The following TSHZ2 variants were observed in gnomAD, a reference collection of about 807,000 sequenced individuals.
The protein encoded by TSHZ2 is teashirt homolog 2.
Under a neutral mutation model 74.4 loss-of-function variants are expected in TSHZ2, and 21 were observed. The observed-to-expected ratio is 0.28, with a 90% confidence interval of 0.20 to 0.41. The LOEUF (loss-of-function observed/expected upper bound fraction) is 0.41, where lower values mean the gene tolerates loss of function less well. Among genes scored for constraint, TSHZ2 ranks in the 10% least tolerant of loss-of-function variants. The probability of loss-of-function intolerance (pLI) is 1.00; values close to 1 mark genes in which losing one functional copy is unlikely to be tolerated. For missense variants in TSHZ2, 1,244 were observed against 1,293.5 expected, an observed-to-expected ratio of 0.96 and a Z score of 0.59; for synonymous variants, 540 against 515.3, an observed-to-expected ratio of 1.05 and a Z score of -0.65.
At chr20:52,987,658 C>T (rs1249319555) in intron 1 of TSHZ2, among the ~76,000 whole-genome samples, 1 of 152,130 alleles carries the variant, frequency 6.6e-6, no homozygotes, top group Non-Finnish European at 1.5e-5. Flanking sequence ...TATAAGAAGG[C>T]TCTCTATTGT....
intron 2 of TSHZ2, among the ~76,000 whole-genome samples, chr20:53,465,269 TTGTGTGTG>T (rs149559919): frequency 6.6e-6 from 1 of 150,564 alleles, no homozygotes; most frequent in Non-Finnish European, 1.5e-5. Context: ...GTTATTACTT[TTGTGTGTG>T]TGTGTGTGTG....
chr20:53,195,226 A>G (rs1365448880), intron 1 of TSHZ2, among the ~76,000 whole-genome samples: 5 of 152,182 alleles, frequency 3.3e-5, no homozygotes, highest in Non-Finnish European at 7.3e-5. Flanking sequence ...ACCTACCAGA[A>G]GTCTGCAACT....
intron 2 of TSHZ2, among the ~76,000 whole-genome samples, chr20:53,279,274 C>A (rs537644955): frequency 6.6e-6 from 1 of 152,306 alleles, no homozygotes; most frequent in East Asian, 1.9e-4. Flanking sequence ...TGTATTCAAT[C>A]TTCCATTGTA....
At chr20:53,342,803 T>C (rs945198105) in intron 2 of TSHZ2, among the ~76,000 whole-genome samples, 1 of 151,988 alleles carries the variant, frequency 6.6e-6, no homozygotes, top group Non-Finnish European at 1.5e-5. Context: ...TTTGGAGGAA[T>C]ATTTTCTCCC....
intron 1 of TSHZ2, among the ~76,000 whole-genome samples, chr20:53,031,601 A>G (rs2123064096): frequency 6.6e-6 from 1 of 152,314 alleles, no homozygotes; most frequent in East Asian, 1.9e-4. Context: ...GAAGTCACTC[A>G]CACAGACGGC....
At chr20:53,011,999 G>A (rs1982869783) in intron 1 of TSHZ2, among the ~76,000 whole-genome samples, 2 of 152,048 alleles carry the variant, frequency 1.3e-5, no homozygotes, top group African/African-American at 4.8e-5. Context: ...TGAGAAACGG[G>A]GTCTTATGCT....
intron 1 of TSHZ2, among the ~76,000 whole-genome samples, chr20:53,063,371 T>TTC (rs1984880018): frequency 6.6e-6 from 1 of 152,214 alleles, no homozygotes; most frequent in African/African-American, 2.4e-5. Context: ...TGCCTATATA[T>TTC]TACATATGCA....
chr20:53,215,454 A>T (rs988667120), intron 1 of TSHZ2, among the ~76,000 whole-genome samples: 1 of 151,160 alleles, frequency 6.6e-6, no homozygotes, highest in Non-Finnish European at 1.5e-5. Flanking sequence ...TTTGCCAGAC[A>T]TTTGCTTTCT....
chr20:53,373,254 A>G (rs936922990), intron 2 of TSHZ2, among the ~76,000 whole-genome samples: 1 of 152,202 alleles, frequency 6.6e-6, no homozygotes, highest in African/African-American at 2.4e-5. Flanking sequence ...ATTTATTCTT[A>G]TAGCACATCA....
At position 53,287,204 on chromosome 20, in the gene TSHZ2, CATA is replaced by C. The variant is rs775595529; in HGVS notation, c.*8+30639_*8+30641del. Reference sequence around the variant, plus strand: ...ACTTTTTCAAGGAGACAAAAATAGACATAATAATGATACGAGCTTATATTTATT... The same window carrying C: ...ACTTTTTCAAGGAGACAAAAATAGACATAATGATACGAGCTTATATTTATT... On this transcript the variant is annotated intron_variant, in intron 2 of 2. Coordinates refer to ENST00000371497, the MANE Select transcript of TSHZ2 (RefSeq NM_173485.6). 5.1e-4 allele frequency among the ~76,000 whole-genome samples: 78 copies of C among 152,262 alleles called. 1 individual carries two copies. The highest frequency in any genetic ancestry group is 6.5e-4 in the Admixed American group (10 of 15,290).
Position 53,493,082 on chromosome 20 carries a change from C to G in TSHZ2, c.*5947C>G, listed in dbSNP as rs1180162610. ...CAGCTTGGATGGCTGGGAGCGTAAGCCTTCCGTGCATTTTTATAGTGTACA... is the reference window on the plus strand; with the variant it reads ...CAGCTTGGATGGCTGGGAGCGTAAGGCTTCCGTGCATTTTTATAGTGTACA... On this transcript the variant is annotated 3_prime_UTR_variant, in exon 3 of 3. Coordinates refer to ENST00000371497, the MANE Select transcript of TSHZ2 (RefSeq NM_173485.6). The G allele has an allele frequency of 6.6e-6, 1 of 152,188 alleles. No individual in the cohort carries two copies. Among genetic ancestry groups the G allele is most frequent in the Admixed American group, 6.5e-5 (1 of 15,286 alleles). The allele number at this position is 152,188 out of a possible 1,614,324, so 9.4% of individuals were successfully genotyped here.
intron 1 of TSHZ2, among the ~76,000 whole-genome samples, chr20:53,031,720 G>A (rs575156718): frequency 2.0e-5 from 3 of 152,310 alleles, no homozygotes; most frequent in Non-Finnish European, 4.4e-5. Flanking sequence ...ATCTTGCCCT[G>A]ATATGGTATA....
intron 2 of TSHZ2, among the ~76,000 whole-genome samples, chr20:53,413,621 T>C (rs992675274): frequency 1.3e-5 from 2 of 152,204 alleles, no homozygotes; most frequent in Non-Finnish European, 2.9e-5. Flanking sequence ...ACTTAGAGAA[T>C]GTTTGACACA....
intron 2 of TSHZ2, among the ~76,000 whole-genome samples, chr20:53,384,527 G>C (rs1490561009): frequency 6.6e-6 from 1 of 152,142 alleles, no homozygotes; most frequent in Non-Finnish European, 1.5e-5. Flanking sequence ...CATTGGGTTT[G>C]CCATCCACTG....
intron 1 of TSHZ2, among the ~76,000 whole-genome samples, chr20:53,075,313 C>A (rs1985333555): frequency 1.3e-5 from 2 of 152,152 alleles, no homozygotes; most frequent in African/African-American, 4.8e-5. Context: ...TTCTTTTTAC[C>A]ATTTTAATAG....
intron 2 of TSHZ2, among the ~76,000 whole-genome samples, chr20:53,352,532 G>A (rs891403599): frequency 6.6e-6 from 1 of 151,994 alleles, no homozygotes; most frequent in Non-Finnish European, 1.5e-5. Flanking sequence ...TCAGCACTTT[G>A]GGAGGCCAAG....
chr20:53,362,433 C>T (rs771964810), intron 2 of TSHZ2, among the ~76,000 whole-genome samples: 3 of 152,042 alleles, frequency 2.0e-5, no homozygotes, highest in Non-Finnish European at 4.4e-5. Flanking sequence ...ATCTGCCCAC[C>T]TCGGCCTCCC....
chr20:53,370,210 C>T (rs1435258659), intron 2 of TSHZ2, among the ~76,000 whole-genome samples: 1 of 152,034 alleles, frequency 6.6e-6, no homozygotes, highest in East Asian at 1.9e-4. Flanking sequence ...TTAAAGAATC[C>T]TGAGCCGACG....
intron 1 of TSHZ2, among the ~76,000 whole-genome samples, chr20:53,125,332 A>T (rs1986918511): frequency 6.6e-6 from 1 of 152,200 alleles, no homozygotes; most frequent in Admixed American, 6.5e-5. Flanking sequence ...TTACCCGCTG[A>T]GTGGCCTTGG....
Sources: gnomAD v4.1 joint callset for allele counts (sites outside exome capture counted in the v4.1 genomes callset) on GRCh38, gnomAD v4.1.1 for gene constraint, MANE v1.5 for transcripts, NCBI Gene and HGNC (gene_info 2026-07-23, HGNC 2026-07-21) for gene names.